FKBP3: variants seen among roughly 807,000 people sequenced by gnomAD.
FKBP3 encodes the protein peptidyl-prolyl cis-trans isomerase FKBP3.
FKBP3 carries 21 observed loss-of-function variants against 30.6 expected under a neutral mutation model. The observed-to-expected ratio is 0.69, with a 90% CI of 0.49 to 0.99. FKBP3 has a LOEUF of 0.99. Ranked by LOEUF, FKBP3 falls within the 50% of genes least tolerant of loss-of-function variation. The pLI, the probability that FKBP3 is intolerant of heterozygous loss-of-function variation, is 0.00. For synonymous variants in FKBP3, 82 were observed against 91.3 expected (o/e 0.90, Z 0.58); for missense variants, 283 against 261.6 (o/e 1.08, Z -0.56).
At chr14:45,124,941 G>T (rs1037793382) in intron 3 of FKBP3, among the ~76,000 whole-genome samples, 1 of 152,046 alleles carries the variant, frequency 6.6e-6, no homozygotes, top group South Asian at 2.1e-4. Context: ...TTCTGAGACC[G>T]AGTCTCACTC....
chr14:45,127,395 A>G (rs555024568), intron 3 of FKBP3, among the ~76,000 whole-genome samples: 5 of 151,974 alleles, frequency 3.3e-5, no homozygotes, highest in South Asian at 4.2e-4. Flanking sequence ...GATTACAGGC[A>G]TGAGCCACCA....
At chr14:45,118,386 T>C (rs1329138548) in intron 5 of FKBP3, among the ~76,000 whole-genome samples, 1 of 152,108 alleles carries the variant, frequency 6.6e-6, no homozygotes, top group Non-Finnish European at 1.5e-5. Flanking sequence ...TCCCAGCACT[T>C]TGGGAGGCCG....
intron 3 of FKBP3, among the ~76,000 whole-genome samples, chr14:45,125,441 T>A (rs11157431): frequency 0.01 from 1,550 of 152,318 alleles, 31 homozygotes; most frequent in African/African-American, 0.035. Context: ...TTATCAAAGA[T>A]GAAGTTATCA....
At chr14:45,127,422 C>T (rs751890457) in intron 3 of FKBP3, among the ~76,000 whole-genome samples, 9 of 151,468 alleles carry the variant, frequency 5.9e-5, no homozygotes, top group Non-Finnish European at 8.8e-5. Flanking sequence ...GCCTCCCAAC[C>T]GACCCTGTCT....
chr14:45,134,245 A>G (rs1446234673), intron 1 of FKBP3, 104 bp downstream of exon 1: 3 of 952,074 alleles, frequency 3.2e-6, no homozygotes, highest in Non-Finnish European at 4.8e-6. Flanking sequence ...GGCCGCGGGA[A>G]GACGAGGGCG....
At chr14:45,118,333 C>CT (rs1264107884) in intron 5 of FKBP3, among the ~76,000 whole-genome samples, 2 of 151,932 alleles carry the variant, frequency 1.3e-5, no homozygotes, top group Non-Finnish European at 2.9e-5. Flanking sequence ...TTAAGCAGGG[C>CT]TTTTTTAATG....
intron 1 of FKBP3, among the ~76,000 whole-genome samples, chr14:45,132,744 C>T (rs1885247968): frequency 6.6e-6 from 1 of 152,010 alleles, no homozygotes. Flanking sequence ...CGAGACTATG[C>T]ATTTAAAAGA....
At chr14:45,129,670 T>G in intron 3 of FKBP3, 124 bp downstream of exon 3, 2 of 558,452 alleles carry the variant, frequency 3.6e-6, no homozygotes, top group Non-Finnish European at 6.2e-6. Context: ...CATTAAGTGT[T>G]TGGCTCATTG....
chr14:45,120,941 C>G lies in FKBP3; in HGVS notation c.468G>C (p.Lys156Asn). The G allele has an allele frequency of 6.2e-7, 1 of 1,612,912 alleles. No homozygotes were observed. The highest frequency in any genetic ancestry group is 8.5e-7 in the Non-Finnish European group (1 of 1,179,518). Reference protein sequence around the residue: ...DTNIQTSAKKKKNAKPLSFKV... With the variant: ...DTNIQTSAKKNKNAKPLSFKV... The stretch of plus-strand genomic sequence containing the variant: ...TAAAACTTAAAGGCTTGGCATTTTT[C>G]TTCTTCTTTGCACCTGTAAAACAGA... The change falls in exon 5 of 7, where the codon AAG becomes AAC. Residue 156 changes from lysine to asparagine, a missense_variant. By Grantham distance (94) the Lys-to-Asn change is moderately conservative. Coordinates refer to ENST00000396062, the MANE Select transcript of FKBP3 (RefSeq NM_002013.4).
intron 3 of FKBP3, among the ~76,000 whole-genome samples, chr14:45,125,056 A>G (rs1487112183): frequency 1.3e-5 from 2 of 152,202 alleles, no homozygotes; most frequent in African/African-American, 4.8e-5. Flanking sequence ...AGCTGGGACT[A>G]CAGGCATGAA....
At chr14:45,132,976 C>A (rs1429879010) in intron 1 of FKBP3, among the ~76,000 whole-genome samples, 3 of 152,128 alleles carry the variant, frequency 2.0e-5, no homozygotes, top group East Asian at 3.9e-4. Flanking sequence ...GGGGTAAGAT[C>A]CCCGACACAT....
chr14:45,131,859 T>C (rs1885223472), intron 1 of FKBP3, among the ~76,000 whole-genome samples: 1 of 152,210 alleles, frequency 6.6e-6, no homozygotes, highest in Non-Finnish European at 1.5e-5. Context: ...CTGTATTTAA[T>C]AACTCAAGGT....
At chr14:45,123,179 TAAAAAA>T (rs35440697) in intron 3 of FKBP3, among the ~76,000 whole-genome samples, 1 of 123,166 alleles carries the variant, frequency 8.1e-6, no homozygotes, top group African/African-American at 2.9e-5. Flanking sequence ...AGGCTCCATC[TAAAAAA>T]AAAAAAAAAA....
At chr14:45,120,800 A>G in intron 5 of FKBP3, 87 bp downstream of exon 5, 1 of 1,081,616 alleles carries the variant, frequency 9.2e-7, no homozygotes, top group Non-Finnish European at 1.4e-6. Flanking sequence ...CCTTTGTATT[A>G]TATCCCCAAA....
chr14:45,126,551 C>T (rs972400078), intron 3 of FKBP3, among the ~76,000 whole-genome samples: 1 of 151,936 alleles, frequency 6.6e-6, no homozygotes, highest in African/African-American at 2.4e-5. Context: ...TAGCAGCAGC[C>T]ACATTTTGGA....
intron 3 of FKBP3, among the ~76,000 whole-genome samples, chr14:45,126,648 G>C (rs1885105314): frequency 6.6e-6 from 1 of 152,088 alleles, no homozygotes; most frequent in South Asian, 2.1e-4. Flanking sequence ...ATGTAATTTT[G>C]AGTTGTCTAA....
intron 6 of FKBP3, 137 bp from the exon 7 acceptor site, chr14:45,116,389 T>C (rs1884835581): frequency 5.1e-6 from 3 of 586,836 alleles, no homozygotes; most frequent in African/African-American, 1.8e-5. Flanking sequence ...CTGGATGCTT[T>C]ACAAGTACTC....
intron 5 of FKBP3, among the ~76,000 whole-genome samples, chr14:45,119,763 C>T (rs1884942263): frequency 6.6e-6 from 1 of 150,738 alleles, no homozygotes; most frequent in Non-Finnish European, 1.5e-5. Flanking sequence ...TCTCAGCTCA[C>T]TACAACCTCC....
rs1232322407 is a variant in FKBP3, at chr14:45,132,737, G to A, written c.108+1612C>T. Among the ~76,000 whole-genome samples, 5 of 152,130 alleles carry A rather than the reference G, an allele frequency of 3.3e-5. No homozygotes were observed. In the East Asian group the frequency reaches 5.8e-4, roughly 18 times the overall value. On this transcript the variant is annotated intron_variant, in intron 1 of 6. Transcript: ENST00000396062. The stretch of plus-strand genomic sequence containing the variant: ...GGAATGAGCCACCACGACCGACCGA[G>A]ACTATGCATTTAAAAGATTAATGTT...
Sources: allele counts gnomAD v4.1 joint callset (sites outside exome capture counted in the v4.1 genomes callset), GRCh38; gene constraint gnomAD v4.1.1; transcripts MANE v1.5; gene names NCBI Gene and HGNC (gene_info 2026-07-23, HGNC 2026-07-21).